GPC5: variants seen among roughly 807,000 people sequenced by gnomAD.
GPC5 encodes glypican-5.
Under a neutral mutation model 53.9 loss-of-function variants are expected in GPC5, and 47 were observed. The observed-to-expected ratio is 0.87, with a 90% confidence interval of 0.69 to 1.11. GPC5 has a LOEUF of 1.11. GPC5 is among the 50% of genes most tolerant of loss of function. The pLI is 0.00. For synonymous variants in GPC5, 286 were observed against 263.3 expected (o/e 1.09, Z -0.84); for missense variants, 748 against 713.1 (o/e 1.05, Z -0.56).
chr13:91,479,543 CT>C (rs1218305858), intron 2 of GPC5, among the ~76,000 whole-genome samples: 1 of 152,034 alleles, frequency 6.6e-6, no homozygotes, highest in Non-Finnish European at 1.5e-5. Flanking sequence ...GTTATTAAAG[CT>C]TAGAAATTCC....
chr13:91,863,796 C>T (rs1258852274), intron 5 of GPC5, among the ~76,000 whole-genome samples: 1 of 152,144 alleles, frequency 6.6e-6, no homozygotes, highest in African/African-American at 2.4e-5. Flanking sequence ...CTTTTGGACA[C>T]AAACCCAGCC....
At chr13:91,581,602 A>G (rs570996511) in intron 2 of GPC5, among the ~76,000 whole-genome samples, 2 of 152,324 alleles carry the variant, frequency 1.3e-5, no homozygotes, top group South Asian at 4.1e-4. Flanking sequence ...TTGTAGTTGC[A>G]TATTTATTTG....
intron 3 of GPC5, among the ~76,000 whole-genome samples, chr13:91,705,949 C>T (rs548128860): frequency 1.4e-4 from 21 of 145,116 alleles, no homozygotes; most frequent in Admixed American, 5.6e-4. Flanking sequence ...GGCACGATCT[C>T]GGCTCATTGC....
intron 7 of GPC5, among the ~76,000 whole-genome samples, chr13:92,445,570 G>GT (rs1202243762): frequency 4.7e-5 from 7 of 148,086 alleles, no homozygotes; most frequent in East Asian, 2.0e-4. Flanking sequence ...GTGGTGTTTG[G>GT]TTTTTTGTTC....
chr13:92,603,880 C>T (rs1257921670), intron 7 of GPC5, among the ~76,000 whole-genome samples: 1 of 152,056 alleles, frequency 6.6e-6, no homozygotes, highest in Non-Finnish European at 1.5e-5. Flanking sequence ...GGAGAGAGTA[C>T]AGGAGGTATA....
chr13:92,016,053 C>T (rs1366644858), intron 6 of GPC5, among the ~76,000 whole-genome samples: 4 of 144,162 alleles, frequency 2.8e-5, no homozygotes, highest in African/African-American at 9.8e-5. Context: ...CACATCACTT[C>T]CATTTACCTC....
chr13:92,397,521 CTAA>C (rs1875340955), intron 7 of GPC5, among the ~76,000 whole-genome samples: 1 of 152,174 alleles, frequency 6.6e-6, no homozygotes, highest in East Asian at 1.9e-4. Flanking sequence ...TGAAAACGGA[CTAA>C]TACAGTATGT....
chr13:91,745,009 A>G (rs887858644), intron 4 of GPC5, among the ~76,000 whole-genome samples: 3 of 152,146 alleles, frequency 2.0e-5, no homozygotes, highest in African/African-American at 7.2e-5. Flanking sequence ...TTTGTGATAG[A>G]TGACCAATTT....
Position 92,071,048 on chromosome 13 carries a change from C to T in GPC5, c.1402-73782C>T, listed in dbSNP as rs551456088. ...GTCAGGAGATCAAGACCATCCTGGC[C>T]AACATGGTTAAACCCTGTCTCTACT... On this transcript the variant is annotated intron_variant, in intron 6 of 7. Transcript: ENST00000377067. Among the ~76,000 whole-genome samples the T allele has an allele frequency of 2.2e-4, 33 of 152,100 alleles. 1 individual carries two copies. In the South Asian group the frequency reaches 5.2e-3, roughly 24 times the overall value.
chr13:92,835,488 A>G (rs979206112), intron 7 of GPC5, among the ~76,000 whole-genome samples: 1 of 151,950 alleles, frequency 6.6e-6, no homozygotes, highest in African/African-American at 2.4e-5. Context: ...AAGCTCTCCA[A>G]ATTAACCTGG....
At chr13:92,501,022 C>G (rs1341590771) in intron 7 of GPC5, among the ~76,000 whole-genome samples, 7 of 146,880 alleles carry the variant, frequency 4.8e-5, no homozygotes, top group African/African-American at 1.9e-4. Context: ...AAGATAATAA[C>G]AAGACCCAGA....
At chr13:92,628,676 A>G (rs1315202029) in intron 7 of GPC5, among the ~76,000 whole-genome samples, 1 of 152,138 alleles carries the variant, frequency 6.6e-6, no homozygotes, top group East Asian at 1.9e-4. Flanking sequence ...TTCATCTCTG[A>G]AGACACTTTA....
intron 7 of GPC5, among the ~76,000 whole-genome samples, chr13:92,189,824 G>C (rs960362613): frequency 1.1e-4 from 16 of 152,062 alleles, no homozygotes; most frequent in African/African-American, 3.9e-4. Flanking sequence ...CTTTTCAATG[G>C]GCTCATTAGT....
chr13:91,629,383 C>T (rs998733820), intron 2 of GPC5, among the ~76,000 whole-genome samples: 15 of 152,072 alleles, frequency 9.9e-5, no homozygotes, highest in Non-Finnish European at 1.6e-4. Context: ...TGGCTCACGC[C>T]TGTAATCCTG....
At chr13:91,561,433 C>A (rs891700427) in intron 2 of GPC5, among the ~76,000 whole-genome samples, 4 of 152,134 alleles carry the variant, frequency 2.6e-5, no homozygotes, top group African/African-American at 4.8e-5. Flanking sequence ...ACACTTCTAT[C>A]ACACCTCATT....
intron 2 of GPC5, among the ~76,000 whole-genome samples, chr13:91,656,507 A>G (rs1398203336): frequency 6.6e-6 from 1 of 152,218 alleles, no homozygotes; most frequent in Non-Finnish European, 1.5e-5. Context: ...AGTGGGAATC[A>G]GATCTTCTTC....
intron 7 of GPC5, among the ~76,000 whole-genome samples, chr13:92,382,560 TTTGACTGAAG>T (rs72451892): frequency 0.54 from 81,485 of 151,418 alleles, 22,121 homozygotes; most frequent in African/African-American, 0.57. Flanking sequence ...TCAAAACTTC[TTTGACTGAAG>T]TTGTTCACAC....
chr13:92,717,793 A>G (rs539270299), intron 7 of GPC5, among the ~76,000 whole-genome samples: 1 of 152,302 alleles, frequency 6.6e-6, no homozygotes, highest in South Asian at 2.1e-4. Context: ...AGTGAATGTG[A>G]TTTCATTTAT....
chr13:91,775,555 A>C (rs1025597186), intron 5 of GPC5, among the ~76,000 whole-genome samples: 5 of 152,188 alleles, frequency 3.3e-5, no homozygotes, highest in African/African-American at 9.6e-5. Context: ...CAACACATGG[A>C]AACACATCCA....
Sources: gnomAD v4.1 joint callset for allele counts (sites outside exome capture counted in the v4.1 genomes callset) on GRCh38, gnomAD v4.1.1 for gene constraint, MANE v1.5 for transcripts, NCBI Gene and HGNC (gene_info 2026-07-23, HGNC 2026-07-21) for gene names.